The following IMPG1 variants were observed in gnomAD, a reference collection of about 807,000 sequenced individuals.
IMPG1 encodes interphotoreceptor matrix proteoglycan 1, also known as interphotoreceptor matrix proteoglycan of 150 kDa.
In IMPG1, 85 loss-of-function variants were observed where a neutral mutation model predicts 92.0. That is an observed-to-expected ratio of 0.92 (90% CI 0.78 to 1.11). The LOEUF is 1.11. IMPG1 is among the 50% of genes least tolerant of loss of function. The pLI is 0.00. For missense variants in IMPG1, 1,022 were observed against 956.0 expected (o/e 1.07, Z -0.91); for synonymous variants, 367 against 334.1 (o/e 1.10, Z -1.08).
chr6:76,026,248 G>A (rs1783532542), intron 4 of IMPG1, among the ~76,000 whole-genome samples: 1 of 152,156 alleles, frequency 6.6e-6, no homozygotes, highest in Admixed American at 6.5e-5. Flanking sequence ...ATGGCTGTGG[G>A]ACAGACAAGG....
intron 12 of IMPG1, among the ~76,000 whole-genome samples, chr6:75,954,671 G>C (rs1015824136): frequency 2.0e-5 from 3 of 152,154 alleles, no homozygotes; most frequent in East Asian, 1.9e-4. Flanking sequence ...GGGTGAATTA[G>C]TCACGAAGTC....
rs753319298 is a variant in IMPG1, at chr6:76,002,923, A to C, written c.1286T>G (p.Leu429Arg). ...LETVDGAEHG[L>R]PDTSWSPPAM... The stretch of plus-strand genomic sequence containing the variant: ...CTTTGTGAGGGGAAACTTACCAGGT[A>C]GACCATGCTCTGCTCCGTCCACTGT... The change falls in exon 12 of 17, where the codon CTA (leucine) becomes CGA (arginine). Residue 429 changes from leucine to arginine, a missense_variant. Around this residue, in one of 3 missense-constraint regions of IMPG1, gnomAD observed 681 missense variants for 583.6 expected, o/e 1.17. Transcript: ENST00000369950. The C allele has an allele frequency of 6.2e-7, 1 of 1,612,376 alleles. No individual in the cohort carries two copies. Among genetic ancestry groups the C allele is most frequent in the Non-Finnish European group, 8.5e-7 (1 of 1,178,462 alleles).
At chr6:75,991,396 T>TAA (rs112523017) in intron 12 of IMPG1, among the ~76,000 whole-genome samples, 14 of 127,676 alleles carry the variant, frequency 1.1e-4, no homozygotes, top group African/African-American at 3.1e-4. Context: ...GCCTTGGAAA[T>TAA]AAAAAAAAAA....
chr6:76,027,950 A>G (rs1783579866), intron 4 of IMPG1, among the ~76,000 whole-genome samples: 10 of 152,216 alleles, frequency 6.6e-5, no homozygotes, highest in Admixed American at 6.5e-4. Context: ...GGCTTTTTGG[A>G]TAGTCCAGAG....
chr6:76,069,745 CAAAAA>C (rs59771309), intron 1 of IMPG1, among the ~76,000 whole-genome samples: 1 of 147,886 alleles, frequency 6.8e-6, no homozygotes, highest in African/African-American at 2.5e-5. Flanking sequence ...ATTGGTTGAT[CAAAAA>C]AAAAAAAATG....
intron 15 of IMPG1, among the ~76,000 whole-genome samples, chr6:75,929,568 A>T: frequency 9.6e-6 from 1 of 104,004 alleles, no homozygotes; most frequent in Non-Finnish European, 1.9e-5. Flanking sequence ...GGGAGGGGGG[A>T]GGGATAGCAT....
intron 2 of IMPG1, among the ~76,000 whole-genome samples, chr6:76,036,442 C>A (rs1279469354): frequency 6.6e-6 from 1 of 152,126 alleles, no homozygotes; most frequent in East Asian, 1.9e-4. Flanking sequence ...CTATATCCAT[C>A]CATCAATAAA....
intron 2 of IMPG1, among the ~76,000 whole-genome samples, chr6:76,041,656 A>C (rs1191921224): frequency 6.6e-6 from 1 of 152,218 alleles, no homozygotes. Context: ...GGTGATTTCT[A>C]AATGCCCTAT....
chr6:75,939,692 T>C (rs1781806776), intron 14 of IMPG1, among the ~76,000 whole-genome samples: 1 of 152,200 alleles, frequency 6.6e-6, no homozygotes, highest in Admixed American at 6.5e-5. Flanking sequence ...ATGTAAACCT[T>C]TTAAAAACCC....
chr6:76,029,201 T>A (rs577845912), intron 4 of IMPG1, among the ~76,000 whole-genome samples: 2 of 152,196 alleles, frequency 1.3e-5, no homozygotes, highest in African/African-American at 4.8e-5. Context: ...TCCAAGTTTA[T>A]CTTTGGACCT....
At chr6:76,055,848 T>C (rs1442638666) in intron 1 of IMPG1, among the ~76,000 whole-genome samples, 3 of 152,036 alleles carry the variant, frequency 2.0e-5, no homozygotes, top group African/African-American at 7.2e-5. Context: ...TAGAAACGTG[T>C]AACTTACTAT....
chr6:76,036,685 A>G (rs1477626089), intron 2 of IMPG1, among the ~76,000 whole-genome samples: 1 of 152,256 alleles, frequency 6.6e-6, no homozygotes, highest in African/African-American at 2.4e-5. Context: ...GAAAAGTAGA[A>G]TGGAAATGTG....
chr6:75,921,829 C>T lies in IMPG1; in HGVS notation c.*260G>A. Reference sequence around the variant, plus strand: ...CAAACCTGGCTTATGATCATTTTGACTATCATCCAAGAATAGTAAAAATAT... The same window carrying T: ...CAAACCTGGCTTATGATCATTTTGATTATCATCCAAGAATAGTAAAAATAT... On this transcript the variant is annotated 3_prime_UTR_variant, in exon 17 of 17. Transcript: ENST00000369950. 1 of 281,992 alleles carries T rather than the reference C, an allele frequency of 3.5e-6. No individual in the cohort carries two copies. 17.5% of individuals were successfully genotyped at this position (281,992 alleles called of 1,614,324 possible).
intron 13 of IMPG1, among the ~76,000 whole-genome samples, chr6:75,949,479 A>G (rs1781987972): frequency 6.6e-6 from 1 of 152,216 alleles, no homozygotes; most frequent in African/African-American, 2.4e-5. Context: ...TTAGCATAGC[A>G]TCAAGAAATA....
intron 12 of IMPG1, among the ~76,000 whole-genome samples, chr6:75,991,066 T>C (rs1026934571): frequency 6.6e-6 from 1 of 152,162 alleles, no homozygotes; most frequent in Non-Finnish European, 1.5e-5. Flanking sequence ...GGTTATTCTC[T>C]GGCCTCAAAC....
intron 1 of IMPG1, among the ~76,000 whole-genome samples, chr6:76,046,577 C>T (rs1017592959): frequency 2.6e-5 from 4 of 152,136 alleles, no homozygotes; most frequent in Non-Finnish European, 5.9e-5. Context: ...CTCAACTATT[C>T]AAAATGTTTT....
intron 1 of IMPG1, among the ~76,000 whole-genome samples, chr6:76,047,901 T>A (rs963772083): frequency 1.3e-5 from 2 of 152,190 alleles, no homozygotes; most frequent in Non-Finnish European, 2.9e-5. Context: ...ATATCCTAAG[T>A]GAAAAGGCAA....
chr6:75,927,484 G>A (rs1781575560), intron 15 of IMPG1, among the ~76,000 whole-genome samples: 1 of 152,094 alleles, frequency 6.6e-6, no homozygotes, highest in Admixed American at 6.5e-5. Flanking sequence ...ACTGATGGGA[G>A]GAGAAGCAGG....
At chr6:76,066,598 T>C (rs1784314700) in intron 1 of IMPG1, among the ~76,000 whole-genome samples, 1 of 151,956 alleles carries the variant, frequency 6.6e-6, no homozygotes, top group Non-Finnish European at 1.5e-5. Flanking sequence ...AATACAATAA[T>C]ATTGGGGGCC....
Sources: allele counts gnomAD v4.1 joint callset (sites outside exome capture counted in the v4.1 genomes callset), GRCh38; gene constraint gnomAD v4.1.1; regional missense constraint gnomAD v4.1.1; transcripts MANE v1.5; gene names NCBI Gene and HGNC (gene_info 2026-07-23, HGNC 2026-07-21).